The following PRH1 variants were observed in gnomAD, a reference collection of about 807,000 sequenced individuals.
PRH1 encodes the protein salivary acidic proline-rich phosphoprotein 1/2.
PRH1 carries 7 observed loss-of-function variants against 7.9 expected under a neutral mutation model. The observed-to-expected ratio is 0.89, with a 90% CI of 0.50 to 1.67. PRH1 has a LOEUF of 1.67. PRH1 is among the 40% of genes most tolerant of loss of function. The probability of loss-of-function intolerance (pLI) is 0.00; values close to 1 mark genes in which losing one functional copy is unlikely to be tolerated. For missense variants in PRH1, 109 were observed against 223.6 expected, an observed-to-expected ratio of 0.49 and a Z score of 3.27; for synonymous variants, 45 against 80.8, an observed-to-expected ratio of 0.56 and a Z score of 2.38.
chr12:11,053,033 C>T (rs1421683320), intron 1 of PRH1, among the ~76,000 whole-genome samples: 1 of 152,264 alleles, frequency 6.6e-6, no homozygotes, highest in Non-Finnish European at 1.5e-5. Flanking sequence ...TAGAATTTAC[C>T]TTCAATTTGA....
chr12:10,997,695 C>T, intron 1 of PRH1: 1 of 1,613,812 alleles, frequency 6.2e-7, no homozygotes, highest in East Asian at 2.2e-5. Flanking sequence ...AATAATATTA[C>T]CCAGAGCAAA....
chr12:10,942,572 G>A (rs1207164149), intron 2 of PRH1, among the ~76,000 whole-genome samples: 1 of 152,120 alleles, frequency 6.6e-6, no homozygotes, highest in African/African-American at 2.4e-5. Flanking sequence ...CTCCCCAATG[G>A]CACCCTGTCT....
chr12:10,882,084 C>T (rs1949409817), intron 3 of PRH1, 133 bp downstream of exon 3: 3 of 1,507,828 alleles, frequency 2.0e-6, no homozygotes, highest in Non-Finnish European at 2.7e-6. Context: ...ACAAGAATAT[C>T]TGAATAACAA....
chr12:11,133,575 G>A (rs1255455523), intron 1 of PRH1: 1 of 1,614,230 alleles, frequency 6.2e-7, no homozygotes, highest in East Asian at 2.2e-5. Context: ...GCTTTTATGT[G>A]GACCTTGGTG....
downstream of PRH1, among the ~76,000 whole-genome samples, chr12:11,119,749 T>C (rs1175575326): frequency 6.6e-6 from 1 of 152,196 alleles, no homozygotes; most frequent in Non-Finnish European, 1.5e-5. Flanking sequence ...CCTATTGTCT[T>C]AAATTTAATT....
At chr12:10,964,271 G>A (rs1938394698) in intron 2 of PRH1, among the ~76,000 whole-genome samples, 1 of 151,982 alleles carries the variant, frequency 6.6e-6, no homozygotes, top group Non-Finnish European at 1.5e-5. Flanking sequence ...ATACTTTTTA[G>A]ACTAACTTTA....
chr12:11,012,824 C>CTTGG (rs1485579235), intron 1 of PRH1, among the ~76,000 whole-genome samples: 2 of 152,086 alleles, frequency 1.3e-5, no homozygotes, highest in Non-Finnish European at 2.9e-5. Flanking sequence ...TCCCAAAATG[C>CTTGG]TTGGATACAG....
At chr12:10,999,166 T>C (rs1472500840) in intron 1 of PRH1, among the ~76,000 whole-genome samples, 4 of 152,146 alleles carry the variant, frequency 2.6e-5, no homozygotes, top group Non-Finnish European at 5.9e-5. Flanking sequence ...GAAGTTTCTT[T>C]TGCAGAAAAA....
At chr12:11,061,342 T>C (rs1409429201) in intron 1 of PRH1, 3 of 1,592,492 alleles carry the variant, frequency 1.9e-6, no homozygotes, top group African/African-American at 1.4e-5. Context: ...TGCTAGAAGA[T>C]ACACAATGCT....
intron 1 of PRH1, among the ~76,000 whole-genome samples, chr12:11,157,372 C>T (rs764420269): frequency 3.9e-5 from 6 of 152,282 alleles, no homozygotes; most frequent in East Asian, 1.9e-4. Context: ...AGTCCTTTTA[C>T]TCTCCTTACA....
At chr12:11,032,818 C>G (rs879830046) in intron 1 of PRH1, among the ~76,000 whole-genome samples, 7 of 152,194 alleles carry the variant, frequency 4.6e-5, no homozygotes, top group Non-Finnish European at 8.8e-5. Flanking sequence ...TACCTTGCCC[C>G]TGAACTTGGA....
chr12:10,891,401 G>A (rs1362876889), intron 2 of PRH1: 1 of 152,180 alleles, frequency 6.6e-6, no homozygotes, highest in African/African-American at 2.4e-5. Context: ...GTCTGTTTCA[G>A]TTCTACCAGT....
At chr12:10,952,492 A>G (rs546874919) in intron 2 of PRH1, among the ~76,000 whole-genome samples, 1 of 152,306 alleles carries the variant, frequency 6.6e-6, no homozygotes, top group Admixed American at 6.5e-5. Flanking sequence ...TTTTAAATAC[A>G]AAGTTGGAGG....
At chr12:11,069,359 T>C (rs1275463255) in intron 1 of PRH1, among the ~76,000 whole-genome samples, 1 of 152,072 alleles carries the variant, frequency 6.6e-6, no homozygotes, top group East Asian at 1.9e-4. Flanking sequence ...TTTGGCTACA[T>C]TGTCAGTAAG....
At chr12:10,908,067 T>C (rs1327721528) in intron 2 of PRH1, 3 of 254,154 alleles carry the variant, frequency 1.2e-5, no homozygotes, top group Middle Eastern at 2.4e-3. Context: ...TGAAGAGCCA[T>C]TGCCAAACAA....
Position 10,909,105 on chromosome 12 carries a change from C to T in PRH1, c.-58-24830G>A, listed in dbSNP as rs936321682. On this transcript the variant is annotated intron_variant, in intron 2 of 3. Transcript: ENST00000539853. ...TAGATAATGCAGAGCTAAAAACCAA[C>T]TTACTAATATTTCCCAGATCAGCCC... 1.2e-5 allele frequency: 19 copies of T among 1,613,688 alleles called. No individual in the cohort carries two copies. In the East Asian group the frequency reaches 1.3e-4, roughly 11 times the overall value.
At chr12:11,046,834 G>A (rs905656983) in intron 1 of PRH1, among the ~76,000 whole-genome samples, 2 of 152,120 alleles carry the variant, frequency 1.3e-5, no homozygotes, top group Non-Finnish European at 2.9e-5. Context: ...TACATTGACA[G>A]TCATTAGTTT....
intron 1 of PRH1, among the ~76,000 whole-genome samples, chr12:11,109,267 C>A (rs1945519394): frequency 1.3e-5 from 2 of 152,290 alleles, no homozygotes; most frequent in South Asian, 2.1e-4. Flanking sequence ...ACTTTCCTGC[C>A]TGACACTCTG....
rs199859766 is a variant in PRH1, at chr12:10,972,928, A to ACCCC, written c.-59+726_-59+727insGGGG. On this transcript the variant is annotated intron_variant, in intron 2 of 3. Transcript: ENST00000539853. Reference sequence around the variant, plus strand: ...CAATTAACACGTACAAAGCACCACAACCCACCCCCCCCGCCCGCCCACACA... The same window carrying ACCCC: ...CAATTAACACGTACAAAGCACCACAACCCCCCCACCCCCCCCGCCCGCCCACACA... Among the ~76,000 whole-genome samples, 198 of 100,232 alleles carry ACCCC rather than the reference A, an allele frequency of 2.0e-3. 1 individual carries two copies. The highest frequency in any genetic ancestry group is 3.0e-3 in the South Asian group (9 of 3,030). The allele number at this position is 100,232 out of a possible 152,430, so 65.8% of individuals were successfully genotyped here.
Sources: gnomAD v4.1 joint callset for allele counts (sites outside exome capture counted in the v4.1 genomes callset) on GRCh38, gnomAD v4.1.1 for gene constraint, MANE v1.5 for transcripts, NCBI Gene and HGNC (gene_info 2026-07-23, HGNC 2026-07-21) for gene names.